Variants in RBFOX1 observed in about 807,000 individuals in gnomAD.
RBFOX1 encodes the protein RNA binding protein fox-1 homolog 1.
A neutral mutation model predicts 57.7 loss-of-function variants in RBFOX1; 8 were observed. The ratio of observed to expected loss-of-function variants is 0.14; its 90% confidence interval spans 0.08 to 0.25. The LOEUF (loss-of-function observed/expected upper bound fraction) is 0.25. Ranked by LOEUF, RBFOX1 falls within the 10% of genes least tolerant of loss-of-function variation. RBFOX1 has a pLI of 1.00. For synonymous variants in RBFOX1, 326 were observed against 222.4 expected (o/e 1.47, Z -4.15); for missense variants, 611 against 548.5 (o/e 1.11, Z -1.14).
intron 1 of RBFOX1, among the ~76,000 whole-genome samples, chr16:6,297,927 G>T (rs770481495): frequency 1.3e-5 from 2 of 152,072 alleles, no homozygotes; most frequent in Non-Finnish European, 2.9e-5. Flanking sequence ...CACCTCCACC[G>T]CTCAATAAAA....
intron 3 of RBFOX1, among the ~76,000 whole-genome samples, chr16:6,693,907 T>C (rs1277296432): frequency 1.3e-5 from 2 of 152,244 alleles, no homozygotes; most frequent in African/African-American, 4.8e-5. Context: ...TTTATGAGAA[T>C]CATCTAATTG....
At chr16:7,400,806 G>A (rs927197886) in intron 4 of RBFOX1, among the ~76,000 whole-genome samples, 1 of 152,178 alleles carries the variant, frequency 6.6e-6, no homozygotes, top group African/African-American at 2.4e-5. Flanking sequence ...GATGTTAGGA[G>A]GAGTCAGTGT....
intron 1 of RBFOX1, among the ~76,000 whole-genome samples, chr16:5,252,799 G>A (rs1214189377): frequency 6.6e-6 from 1 of 152,200 alleles, no homozygotes; most frequent in Non-Finnish European, 1.5e-5. Context: ...CTTCTGCAAG[G>A]GGCCTGCAGA....
At chr16:5,333,031 C>G (rs1311117828) in intron 1 of RBFOX1, among the ~76,000 whole-genome samples, 2 of 151,928 alleles carry the variant, frequency 1.3e-5, no homozygotes, top group Non-Finnish European at 2.9e-5. Flanking sequence ...ATTAAAAATA[C>G]AAAAAAATTA....
chr16:7,455,011 T>A lies in RBFOX1; in HGVS notation c.28-63136T>A, dbSNP rs145653082. 5.4e-3 allele frequency among the ~76,000 whole-genome samples: 815 copies of A among 152,326 alleles called. 4 individuals carry two copies. The highest frequency in any genetic ancestry group is 8.2e-3 in the Non-Finnish European group (558 of 68,028). ...TTTATGATTTTGCTCATGGGTTCATTTATTGATTTGTTCAAACACAATAGG... is the reference window on the plus strand; with the variant it reads ...TTTATGATTTTGCTCATGGGTTCATATATTGATTTGTTCAAACACAATAGG... On this transcript the variant is annotated intron_variant, in intron 4 of 15. Transcript: ENST00000550418.
At chr16:6,344,702 T>C (rs980853152) in intron 2 of RBFOX1, among the ~76,000 whole-genome samples, 1 of 144,454 alleles carries the variant, frequency 6.9e-6, no homozygotes, top group African/African-American at 2.6e-5. Flanking sequence ...CGGTTTTTTT[T>C]TTTTTTTTTT....
intron 4 of RBFOX1, among the ~76,000 whole-genome samples, chr16:7,269,505 A>G (rs956707684): frequency 6.6e-6 from 1 of 152,148 alleles, no homozygotes; most frequent in Non-Finnish European, 1.5e-5. Context: ...AGCTTACAGT[A>G]TTTGACTGAT....
intron 2 of RBFOX1, among the ~76,000 whole-genome samples, chr16:5,517,075 C>G (rs2043819653): frequency 6.6e-6 from 1 of 151,412 alleles, no homozygotes; most frequent in African/African-American, 2.4e-5. Context: ...TGAAATGGCT[C>G]TTAGAAGACC....
At chr16:7,351,383 C>G (rs541351345) in intron 4 of RBFOX1, among the ~76,000 whole-genome samples, 2 of 152,252 alleles carry the variant, frequency 1.3e-5, no homozygotes, top group Non-Finnish European at 2.9e-5. Context: ...CCACTACGTG[C>G]AAGGCACGAT....
intron 2 of RBFOX1, among the ~76,000 whole-genome samples, chr16:6,626,964 C>T (rs964083689): frequency 1.3e-5 from 2 of 152,116 alleles, no homozygotes; most frequent in African/African-American, 4.8e-5. Flanking sequence ...CTATTATTAT[C>T]CTCCATGCAC....
rs1158326352 is a variant in RBFOX1, at chr16:6,794,360, A to C, written c.-16+139710A>C. Among the ~76,000 whole-genome samples, 4 of 150,578 alleles carry C rather than the reference A, an allele frequency of 2.7e-5. No homozygotes were observed. In the East Asian group the frequency reaches 7.9e-4, roughly 30 times the overall value. On this transcript the variant is annotated intron_variant, in intron 3 of 15. Transcript: ENST00000550418. ...CATGAGGCATTCTCAAACTACAGGA[A>C]ATTGCTTTCCTTAACTACACTCTTT... is the stretch of plus-strand genomic sequence containing the variant.
chr16:6,756,764 G>A (rs2075850734), intron 3 of RBFOX1, among the ~76,000 whole-genome samples: 1 of 152,132 alleles, frequency 6.6e-6, no homozygotes, highest in Non-Finnish European at 1.5e-5. Flanking sequence ...GTGAGGTCAG[G>A]AGTTCGAGAC....
chr16:6,401,518 T>A (rs1484444538), intron 2 of RBFOX1, among the ~76,000 whole-genome samples: 1 of 152,178 alleles, frequency 6.6e-6, no homozygotes, highest in African/African-American at 2.4e-5. Flanking sequence ...GATCTTTTAT[T>A]TGGATTTATA....
rs768565746 is a variant in RBFOX1 at position 6,666,748 on chromosome 16, G to A, written c.-16+12098G>A. Among the ~76,000 whole-genome samples, 25 of 152,074 alleles carry A rather than the reference G, an allele frequency of 1.6e-4. 1 individual carries two copies. The highest frequency in any genetic ancestry group is 1.9e-4 in the East Asian group (1 of 5,178). ...GACACACAGGTAAACGGTGACTTAC[G>A]AGAGTTATTGCAACAAAACCCTCCA... On this transcript the variant is annotated intron_variant, in intron 3 of 15. Transcript: ENST00000550418.
intron 2 of RBFOX1, among the ~76,000 whole-genome samples, chr16:5,489,263 ACACATGAAGGG>A (rs2042746923): frequency 6.6e-6 from 1 of 152,210 alleles, no homozygotes; most frequent in Admixed American, 6.5e-5. Flanking sequence ...CCCTGTGCTT[ACACATGAAGGG>A]CACATGATGT....
intron 3 of RBFOX1, among the ~76,000 whole-genome samples, chr16:6,825,244 C>T (rs979034726): frequency 6.6e-6 from 1 of 150,898 alleles, no homozygotes; most frequent in Non-Finnish European, 1.5e-5. Context: ...TGCCCTCTAG[C>T]TACTAGATAC....
At chr16:5,420,791 C>G (rs1222632073) in intron 1 of RBFOX1, among the ~76,000 whole-genome samples, 1 of 152,054 alleles carries the variant, frequency 6.6e-6, no homozygotes, top group African/African-American at 2.4e-5. Context: ...CTGCCTCAGC[C>G]TCCCAAAGTC....
At position 6,927,891 on chromosome 16, in the gene RBFOX1, C is replaced by A. The variant is rs139162950; in HGVS notation, c.-15-124166C>A. The stretch of plus-strand genomic sequence containing the variant: ...AGTGTGTACATATACTAATAGCATA[C>A]GCTAAACATCATCTAAACACTAAAT... On this transcript the variant is annotated intron_variant, in intron 3 of 15. Coordinates refer to ENST00000550418, the MANE Select transcript of RBFOX1 (RefSeq NM_018723.4). Among the ~76,000 whole-genome samples the A allele has an allele frequency of 2.7e-3, 411 of 152,296 alleles. 2 individuals are homozygous for A. Among genetic ancestry groups the A allele is most frequent in the African/African-American group, 9.0e-3 (373 of 41,566 alleles).
At chr16:5,405,203 T>G (rs550275814) in intron 1 of RBFOX1, among the ~76,000 whole-genome samples, 2 of 152,266 alleles carry the variant, frequency 1.3e-5, no homozygotes, top group Non-Finnish European at 2.9e-5. Flanking sequence ...GCCAGGACCA[T>G]GCGCTTCCTT....
Sources: gnomAD v4.1 joint callset for allele counts (sites outside exome capture counted in the v4.1 genomes callset) on GRCh38, gnomAD v4.1.1 for gene constraint, MANE v1.5 for transcripts, NCBI Gene and HGNC (gene_info 2026-07-23, HGNC 2026-07-21) for gene names.